Variants in ADGRD1 observed in about 807,000 individuals in gnomAD.
ADGRD1 encodes the protein G-protein coupled receptor 133.
Under a neutral mutation model 113.4 loss-of-function variants are expected in ADGRD1, and 77 were observed. The observed-to-expected ratio is 0.68, with a 90% CI of 0.57 to 0.82. The LOEUF is 0.82. ADGRD1 is among the 40% of genes least tolerant of loss of function. The pLI is 0.00. For missense variants in ADGRD1, 1,036 were observed against 1,139.1 expected (o/e 0.91, Z 1.30); for synonymous variants, 474 against 475.0 (o/e 1.00, Z 0.03).
chr12:130,972,302 G>C (rs78381204), intron 4 of ADGRD1, among the ~76,000 whole-genome samples: 1 of 152,270 alleles, frequency 6.6e-6, no homozygotes, highest in Non-Finnish European at 1.5e-5. Flanking sequence ...CAAAATGAAA[G>C]TTATGATTTC....
rs969653344 is a variant in ADGRD1 at position 131,027,218 on chromosome 12, A to G, written c.1473+12878A>G. 8.5e-5 allele frequency: 13 copies of G among 152,196 alleles called. No homozygotes were observed. Among genetic ancestry groups the G allele is most frequent in the African/African-American group, 3.1e-4 (13 of 41,434 alleles). 9.4% of individuals were successfully genotyped at this position (152,196 alleles called of 1,614,324 possible). On this transcript the variant is annotated intron_variant, in intron 13 of 24. Coordinates refer to ENST00000261654, the MANE Select transcript of ADGRD1 (RefSeq NM_198827.5). The surrounding 1 kb of genome is among the most constrained non-coding windows in gnomAD (Gnocchi z 5.1). The stretch of plus-strand genomic sequence containing the variant: ...CACACACGCACACACATGCACACAC[A>G]CATAGCCAAACATCGTTTGAAATCC...
At chr12:131,094,447 G>T (rs1380080147) in intron 15 of ADGRD1, among the ~76,000 whole-genome samples, 1 of 152,178 alleles carries the variant, frequency 6.6e-6, no homozygotes, top group Non-Finnish European at 1.5e-5. Flanking sequence ...GTTGATGGGG[G>T]TGGGGGTAAC....
intron 2 of ADGRD1, among the ~76,000 whole-genome samples, chr12:130,964,231 T>A (rs1051768924): frequency 6.6e-6 from 1 of 151,382 alleles, no homozygotes; most frequent in African/African-American, 2.5e-5. Flanking sequence ...CACAGAAAAC[T>A]TTGTTTTCTG....
chr12:131,133,914 T>C (rs1326027054), intron 21 of ADGRD1, among the ~76,000 whole-genome samples: 1 of 152,216 alleles, frequency 6.6e-6, no homozygotes, highest in Non-Finnish European at 1.5e-5. Context: ...CAGTACTCAG[T>C]GAATAACAAG....
chr12:131,055,413 T>G (rs567563763), intron 13 of ADGRD1, among the ~76,000 whole-genome samples: 4 of 152,208 alleles, frequency 2.6e-5, no homozygotes, highest in Non-Finnish European at 4.4e-5. Context: ...GATGGGCTCA[T>G]GTACATATGG....
At chr12:131,052,644 G>GT (rs1440446104) in intron 13 of ADGRD1, among the ~76,000 whole-genome samples, 1 of 3,016 alleles carries the variant, frequency 3.3e-4, no homozygotes, top group Non-Finnish European at 2.1e-3. Flanking sequence ...TGGTCTTTGT[G>GT]GGGGAGGAAT....
At chr12:131,004,363 G>A in intron 11 of ADGRD1, 67 bp downstream of exon 11, 1 of 1,057,280 alleles carries the variant, frequency 9.5e-7, no homozygotes, top group East Asian at 2.5e-5. Flanking sequence ...GAGTCCCCAA[G>A]CTTTGCTGGG....
intron 2 of ADGRD1, among the ~76,000 whole-genome samples, chr12:130,959,729 C>T (rs1004849729): frequency 6.6e-6 from 1 of 152,202 alleles, no homozygotes; most frequent in Non-Finnish European, 1.5e-5. Flanking sequence ...TCTACACTGG[C>T]AGAGGTAGCC....
At chr12:131,007,257 G>A (rs375130861) in intron 12 of ADGRD1, among the ~76,000 whole-genome samples, 2 of 152,254 alleles carry the variant, frequency 1.3e-5, no homozygotes, top group Admixed American at 6.5e-5. Context: ...TGAAGGGCCA[G>A]CTTGTAAATC....
chr12:131,033,463 G>C (rs563013062), intron 13 of ADGRD1, among the ~76,000 whole-genome samples: 2 of 152,358 alleles, frequency 1.3e-5, no homozygotes, highest in Non-Finnish European at 2.9e-5. Context: ...TCAGAGCGTG[G>C]CATGCAGGGT....
In ADGRD1 at chr12:130,968,565, C is replaced by T. The variant is rs78256828; in HGVS notation, c.187+2019C>T. On this transcript the variant is annotated intron_variant, in intron 3 of 24. Transcript: ENST00000261654. Reference sequence around the variant, plus strand: ...GTTTTGTCCATTTGTCATCATCTCACGCAGTCATTTTCATGCAGAGTGTCT... The same window carrying T: ...GTTTTGTCCATTTGTCATCATCTCATGCAGTCATTTTCATGCAGAGTGTCT... 1,215 of 171,636 alleles carry T rather than the reference C, an allele frequency of 7.1e-3. 40 individuals carry two copies. The highest frequency in any genetic ancestry group is 0.055 in the Admixed American group (911 of 16,624). The allele number at this position is 171,636 out of a possible 1,614,324, so 10.6% of individuals were successfully genotyped here.
At chr12:131,033,427 C>T (rs543138336) in intron 13 of ADGRD1, among the ~76,000 whole-genome samples, 6 of 152,360 alleles carry the variant, frequency 3.9e-5, no homozygotes, top group East Asian at 1.9e-4. Flanking sequence ...GCAGGACAGG[C>T]GTCCACATGC....
Position 131,041,733 on chromosome 12 carries a change from C to A in ADGRD1, c.1473+27393C>A, listed in dbSNP as rs1486413195. ...GGAGCAGTTCCCGGGGAACACACTG[C>A]ACGCTGTTGCCGCAGCCTCCCCCTG... On this transcript the variant is annotated intron_variant, in intron 13 of 24. Transcript: ENST00000261654. This position sits in a 1 kb window ranked among gnomAD's most constrained non-coding sequence, Gnocchi z 4.4. Among the ~76,000 whole-genome samples, 1 of 152,236 alleles carries A rather than the reference C, an allele frequency of 6.6e-6. No homozygotes were observed. Among genetic ancestry groups the A allele is most frequent in the Non-Finnish European group, 1.5e-5 (1 of 68,050 alleles).
chr12:131,095,290 G>C (rs76753205), intron 15 of ADGRD1, among the ~76,000 whole-genome samples: 1 of 152,254 alleles, frequency 6.6e-6, no homozygotes, highest in African/African-American at 2.4e-5. Context: ...GCAGGGAGAC[G>C]TAGCTTCAAG....
At chr12:131,013,314 G>A (rs1411058566) in intron 12 of ADGRD1, among the ~76,000 whole-genome samples, 7 of 152,238 alleles carry the variant, frequency 4.6e-5, no homozygotes, top group Admixed American at 3.3e-4. Context: ...GGAGCAGCTC[G>A]ATCCAGCATC....
chr12:131,059,933 C>T (rs1234312158), intron 13 of ADGRD1, among the ~76,000 whole-genome samples: 1 of 152,170 alleles, frequency 6.6e-6, no homozygotes, highest in Non-Finnish European at 1.5e-5. Flanking sequence ...CTCGGTATGA[C>T]AAATGATTTT....
intron 13 of ADGRD1, among the ~76,000 whole-genome samples, chr12:131,036,025 A>C (rs554506180): frequency 6.6e-6 from 1 of 152,298 alleles, no homozygotes; most frequent in South Asian, 2.1e-4. Flanking sequence ...AAAAACAACA[A>C]AGCTTATTTG....
At chr12:131,079,615 T>C (rs1263053461) in intron 14 of ADGRD1, among the ~76,000 whole-genome samples, 2 of 152,354 alleles carry the variant, frequency 1.3e-5, no homozygotes, top group Non-Finnish European at 2.9e-5. Context: ...TCATTTTCAA[T>C]GTTGGCAGGT....
At chr12:131,073,536 G>A (rs1488016758) in intron 13 of ADGRD1, among the ~76,000 whole-genome samples, 1 of 152,154 alleles carries the variant, frequency 6.6e-6, no homozygotes, top group African/African-American at 2.4e-5. Context: ...TCTCTCTTTT[G>A]CTTGGGACAA....
Sources: allele counts gnomAD v4.1 joint callset (sites outside exome capture counted in the v4.1 genomes callset), GRCh38; gene constraint gnomAD v4.1.1; non-coding constraint Gnocchi (gnomAD v3.1); transcripts MANE v1.5; gene names NCBI Gene and HGNC (gene_info 2026-07-23, HGNC 2026-07-21).